The following ACSBG1 variants were observed in gnomAD, a reference collection of about 807,000 sequenced individuals.
ACSBG1 encodes acyl-CoA synthetase bubblegum family member 1, also known as long-chain-fatty-acid--CoA ligase ACSBG1.
A neutral mutation model predicts 80.2 loss-of-function variants in ACSBG1; 39 were observed. The ratio of observed to expected loss-of-function variants is 0.49; its 90% CI spans 0.38 to 0.64. ACSBG1 has a LOEUF of 0.64. Ranked by LOEUF, ACSBG1 falls within the 30% of genes least tolerant of loss-of-function variation. The probability of loss-of-function intolerance (pLI) is 0.00; values close to 1 mark genes in which losing one functional copy is unlikely to be tolerated. For synonymous variants in ACSBG1, 392 were observed against 379.5 expected (o/e 1.03, Z -0.38); for missense variants, 828 against 966.4 (o/e 0.86, Z 1.90).
chr15:78,172,690 C>T lies in ACSBG1; in HGVS notation c.2089+903G>A, dbSNP rs1374699865. Among the ~76,000 whole-genome samples, 1 of 152,210 alleles carries T rather than the reference C, an allele frequency of 6.6e-6. No homozygotes were observed. The highest frequency in any genetic ancestry group is 2.1e-4 in the South Asian group (1 of 4,836). On this transcript the variant is annotated intron_variant, in intron 13 of 13. Coordinates refer to ENST00000258873, the MANE Select transcript of ACSBG1 (RefSeq NM_015162.5). The surrounding 1 kb of genome is among the most constrained non-coding windows in gnomAD (Gnocchi z 4.1). ...GATTGCAGCTCAGCTTTGCTGTAGA[C>T]AATTGCATCTGGGTTCAGCCGTGAT...
chr15:78,179,715 AG>A lies in ACSBG1; in HGVS notation c.1318del (p.Leu440TrpfsTer16). 6.2e-7 allele frequency: 1 copy of A among 1,614,098 alleles called. No homozygotes were observed. Among genetic ancestry groups the A allele is most frequent in the Non-Finnish European group, 8.5e-7 (1 of 1,180,022 alleles). On this transcript the variant is annotated frameshift_variant, in exon 10 of 14. Coordinates refer to ENST00000258873, the MANE Select transcript of ACSBG1 (RefSeq NM_015162.5). LOFTEE classifies it high-confidence loss of function. ...GTTCTTTTGACACTTGGCAAATCCCAGTGCCTGGCGAACCTTGGCTAGCACC... is the reference window on the plus strand; with the variant it reads ...GTTCTTTTGACACTTGGCAAATCCCATGCCTGGCGAACCTTGGCTAGCACC... ...YLVLAKVRQALGFAKCQKNFY... is the reference protein window; with the variant it reads ...YLVLAKVRQAXGFAKCQKNFY...
intron 1 of ACSBG1, among the ~76,000 whole-genome samples, chr15:78,230,365 C>T (rs1164126660): frequency 1.3e-5 from 2 of 152,212 alleles, no homozygotes; most frequent in East Asian, 3.9e-4. Flanking sequence ...AGGGTGCAAG[C>T]CCTCCTCGGG....
Position 78,182,922 on chromosome 15 carries a change from A to C in ACSBG1, c.664-137T>G. The C allele has an allele frequency of 3.6e-6, 3 of 841,266 alleles. No individual in the cohort carries two copies. In the South Asian group the frequency reaches 4.6e-5, roughly 13 times the overall value. The allele number at this position is 841,266 out of a possible 1,614,324, so 52.1% of individuals were successfully genotyped here. A position where few individuals can be genotyped will look rare whatever the true frequency, so the allele number is the denominator to read the frequency against. Reference sequence around the variant, plus strand: ...CTCTGACCTTCGACCCCAGCAGGACAACTGCCACCCTTCACCCATAGTTTC... The same window carrying C: ...CTCTGACCTTCGACCCCAGCAGGACCACTGCCACCCTTCACCCATAGTTTC... On this transcript the variant is annotated intron_variant, in intron 5 of 13. Transcript: ENST00000258873.
Position 78,171,230 on chromosome 15 carries a change from C to T in ACSBG1, c.*214G>A. On this transcript the variant is annotated 3_prime_UTR_variant, in exon 14 of 14. Coordinates refer to ENST00000258873, the MANE Select transcript of ACSBG1 (RefSeq NM_015162.5). ...ACCTGAACAAAAAGCAATACTTAAA[C>T]TGAATTAAAACTACCCACACGTGAA... is the stretch of plus-strand genomic sequence containing the variant. The T allele has an allele frequency of 2.3e-6, 1 of 435,516 alleles. No individual in the cohort carries two copies. Among genetic ancestry groups the T allele is most frequent in the Non-Finnish European group, 4.1e-6 (1 of 240,992 alleles). The allele number at this position is 435,516 out of a possible 1,614,324, so 27.0% of individuals were successfully genotyped here.
intron 1 of ACSBG1, among the ~76,000 whole-genome samples, chr15:78,234,097 A>G (rs2075472627): frequency 6.6e-6 from 1 of 152,194 alleles, no homozygotes; most frequent in South Asian, 2.1e-4. Context: ...TTCCTCCTCC[A>G]TCCAACTGAG....
chr15:78,202,728 G>A (rs2075180143), intron 2 of ACSBG1, among the ~76,000 whole-genome samples: 1 of 152,208 alleles, frequency 6.6e-6, no homozygotes, highest in Admixed American at 6.5e-5. Flanking sequence ...GTACAGCTTT[G>A]TTGGGGGCAA....
In ACSBG1 at chr15:78,182,666, A is replaced by G. The variant is rs1181052334; in HGVS notation, c.744+39T>C. On this transcript the variant is annotated intron_variant, in intron 6 of 13. Transcript: ENST00000258873. ...AGGCTAGGTCAGCTGGGTGGGCCCA[A>G]TAGGCCCCACCTGGCGCCCAGGGCC... The G allele has an allele frequency of 3.2e-5, 51 of 1,613,804 alleles. No individual in the cohort carries two copies. In the Admixed American group the frequency reaches 7.5e-4, roughly 24 times the overall value.
rs1595882699 is a variant in ACSBG1 at position 78,181,907 on chromosome 15, GAC to G, written c.1071+60_1071+61del. On this transcript the variant is annotated intron_variant, in intron 8 of 13. Transcript: ENST00000258873. ...CACACAAATGCACTCAGGGCCCACAGACACATGTGGACGTGGCCTGGCACACG... is the reference window on the plus strand; with the variant it reads ...CACACAAATGCACTCAGGGCCCACAGACATGTGGACGTGGCCTGGCACACG... The G allele has an allele frequency of 1.9e-6, 3 of 1,564,672 alleles. No homozygotes were observed. In the East Asian group the frequency reaches 6.7e-5, roughly 35 times the overall value.
At chr15:78,200,473 C>T (rs561613664) in intron 2 of ACSBG1, among the ~76,000 whole-genome samples, 215 of 152,196 alleles carry the variant, frequency 1.4e-3, no homozygotes, top group African/African-American at 4.8e-3. Flanking sequence ...GCTGAGGCCC[C>T]GATCATCTCT....
intron 13 of ACSBG1, among the ~76,000 whole-genome samples, chr15:78,173,336 C>A (rs1347176062): frequency 9.4e-6 from 1 of 105,846 alleles, no homozygotes; most frequent in Admixed American, 1.2e-4. Context: ...CACAGCGAGA[C>A]TCCATCTCAA....
intron 5 of ACSBG1, among the ~76,000 whole-genome samples, chr15:78,189,002 TG>T (rs1231083642): frequency 6.7e-6 from 1 of 150,278 alleles, no homozygotes; most frequent in African/African-American, 2.5e-5. Flanking sequence ...CATCAAAAAG[TG>T]GGCGAAGGAC....
chr15:78,211,712 A>G (rs1273307407), intron 1 of ACSBG1, among the ~76,000 whole-genome samples: 1 of 151,990 alleles, frequency 6.6e-6, no homozygotes, highest in East Asian at 1.9e-4. Context: ...TCTCTTAACC[A>G]TCTCTTGGTG....
At chr15:78,217,400 G>C (rs1434906409) in intron 1 of ACSBG1, among the ~76,000 whole-genome samples, 1 of 152,104 alleles carries the variant, frequency 6.6e-6, no homozygotes, top group African/African-American at 2.4e-5. Flanking sequence ...GTGGGTTCCA[G>C]AGTTTATGCT....
intron 5 of ACSBG1, among the ~76,000 whole-genome samples, chr15:78,184,624 CAATAT>C (rs2074980966): frequency 6.6e-6 from 1 of 152,172 alleles, no homozygotes; most frequent in Admixed American, 6.5e-5. Context: ...TAAAACCTCA[CAATAT>C]AACATTTGAA....
intron 2 of ACSBG1, among the ~76,000 whole-genome samples, chr15:78,197,133 G>A (rs899964785): frequency 3.3e-5 from 5 of 151,808 alleles, no homozygotes; most frequent in Non-Finnish European, 5.9e-5. Context: ...ATTGATAGAG[G>A]CTACAACATG....
chr15:78,178,596 C>T lies in ACSBG1; in HGVS notation c.1702+18G>A, dbSNP rs1423212918. 5.7e-6 allele frequency: 9 copies of T among 1,592,056 alleles called. No homozygotes were observed. Among genetic ancestry groups the T allele is most frequent in the Non-Finnish European group, 7.7e-6 (9 of 1,169,172 alleles). ...GGATTACAGGCATGAGCCACCGTGC[C>T]TGGCCTGGGGTGCTCACCTTTGAGG... On this transcript the variant is annotated intron_variant, in intron 11 of 13. Coordinates refer to ENST00000258873, the MANE Select transcript of ACSBG1 (RefSeq NM_015162.5). This position sits in a 1 kb window ranked among gnomAD's most constrained non-coding sequence, Gnocchi z 4.3.
At chr15:78,179,948 G>A (rs989942660) in intron 9 of ACSBG1, among the ~76,000 whole-genome samples, 168 bp from the exon 10 acceptor site, 1 of 152,182 alleles carries the variant, frequency 6.6e-6, no homozygotes, top group Non-Finnish European at 1.5e-5. Flanking sequence ...GAACCTGCCC[G>A]TGAACATGCA....
At chr15:78,188,059 T>A (rs942102890) in intron 5 of ACSBG1, among the ~76,000 whole-genome samples, 1 of 152,210 alleles carries the variant, frequency 6.6e-6, no homozygotes, top group Non-Finnish European at 1.5e-5. Context: ...AAATCATGCG[T>A]GAACTCCCAT....
At chr15:78,214,074 C>T (rs958884765) in intron 1 of ACSBG1, among the ~76,000 whole-genome samples, 11 of 152,202 alleles carry the variant, frequency 7.2e-5, no homozygotes, top group African/African-American at 2.2e-4. Context: ...CCAGCTCCCC[C>T]CATTCCCACA....
Sources: allele counts gnomAD v4.1 joint callset (sites outside exome capture counted in the v4.1 genomes callset), GRCh38; gene constraint gnomAD v4.1.1; non-coding constraint Gnocchi (gnomAD v3.1); transcripts MANE v1.5; gene names NCBI Gene and HGNC (gene_info 2026-07-23, HGNC 2026-07-21).